NUCKS1: variants seen among roughly 807,000 people sequenced by gnomAD.
The protein encoded by NUCKS1 is nuclear casein kinase and cyclin dependent kinase substrate 1.
In NUCKS1, 2 loss-of-function variants were observed where a neutral mutation model predicts 33.0. That is an observed-to-expected ratio of 0.06 (90% CI 0.02 to 0.19). The LOEUF (loss-of-function observed/expected upper bound fraction) is 0.19. Among genes scored for constraint, NUCKS1 ranks in the 10% least tolerant of loss-of-function variants. NUCKS1 has a pLI of 1.00. For synonymous variants in NUCKS1, 106 were observed against 102.8 expected (o/e 1.03, Z -0.19); for missense variants, 201 against 293.6 (o/e 0.68, Z 2.31).
chr1:205,717,805 C>A lies in NUCKS1; in HGVS notation c.*475G>T, dbSNP rs374167912. 3.0e-6 allele frequency: 3 copies of A among 984,868 alleles called. No homozygotes were observed. Among genetic ancestry groups the A allele is most frequent in the Non-Finnish European group, 3.6e-6 (3 of 829,674 alleles). The allele number at this position is 984,868 out of a possible 1,614,324, so 61.0% of individuals were successfully genotyped here. On this transcript the variant is annotated 3_prime_UTR_variant, in exon 7 of 7. Coordinates refer to ENST00000367142, the MANE Select transcript of NUCKS1 (RefSeq NM_022731.5). ...AGATGACAATTGATTTTTTAAAAGT[C>A]CAGGTAGAGAAAGGAGCAATCATTT...
intron 2 of NUCKS1, 145 bp downstream of exon 2, chr1:205,729,427 G>C: frequency 1.4e-6 from 1 of 735,228 alleles, no homozygotes. Flanking sequence ...CTTTTGCTTT[G>C]GTTGACACAG....
chr1:205,749,935 A>T, intron 1 of NUCKS1, 22 bp downstream of exon 1: 1 of 1,526,708 alleles, frequency 6.6e-7, no homozygotes, highest in Non-Finnish European at 8.8e-7. Context: ...AACCCGCTCC[A>T]GGCCTCAGAC....
At chr1:205,745,549 T>C (rs1260060594) in intron 1 of NUCKS1, among the ~76,000 whole-genome samples, 1 of 152,246 alleles carries the variant, frequency 6.6e-6, no homozygotes, top group East Asian at 1.9e-4. Flanking sequence ...AACGCTAAGT[T>C]AAACATTTTG....
chr1:205,731,068 A>G (rs1034146731), intron 1 of NUCKS1, among the ~76,000 whole-genome samples: 4 of 152,256 alleles, frequency 2.6e-5, no homozygotes, highest in African/African-American at 9.6e-5. Context: ...TAAGCTTTAT[A>G]CAGAAGGGGA....
At chr1:205,737,016 A>G (rs1654050054) in intron 1 of NUCKS1, among the ~76,000 whole-genome samples, 1 of 152,034 alleles carries the variant, frequency 6.6e-6, no homozygotes, top group Non-Finnish European at 1.5e-5. Flanking sequence ...TCTGAAGCTA[A>G]ATACTAGGGC....
intron 1 of NUCKS1, among the ~76,000 whole-genome samples, chr1:205,748,312 G>A (rs753579661): frequency 1.3e-5 from 2 of 152,132 alleles, no homozygotes; most frequent in African/African-American, 4.8e-5. Context: ...AATTTAAAAG[G>A]TAGAGGAATT....
intron 1 of NUCKS1, among the ~76,000 whole-genome samples, chr1:205,735,256 A>G (rs1654007921): frequency 6.6e-6 from 1 of 152,244 alleles, no homozygotes; most frequent in East Asian, 1.9e-4. Flanking sequence ...GTTTAGATAT[A>G]TAAATACCTA....
At position 205,715,080 on chromosome 1, in the gene NUCKS1, G is replaced by A. The variant is rs1671800186; in HGVS notation, c.*3200C>T. The A allele has an allele frequency of 6.6e-6, 1 of 152,034 alleles. No homozygotes were observed. The highest frequency in any genetic ancestry group is 2.1e-4 in the South Asian group (1 of 4,824). 9.4% of individuals were successfully genotyped at this position (152,034 alleles called of 1,614,324 possible). On this transcript the variant is annotated 3_prime_UTR_variant, in exon 7 of 7. Transcript: ENST00000367142. ...AAATCCACTTATCTGAATGTTCACA[G>A]ATAAAAAAGCCATTAAAAAAAAGAG...
chr1:205,719,463 T>A, intron 6 of NUCKS1, 64 bp downstream of exon 6: 1 of 1,503,848 alleles, frequency 6.6e-7, no homozygotes, highest in East Asian at 2.3e-5. Context: ...AATTTCTGTA[T>A]TGAAAATAAT....
intron 1 of NUCKS1, 95 bp downstream of exon 1, chr1:205,749,862 G>A (rs75542165): frequency 5.9e-6 from 8 of 1,347,648 alleles, no homozygotes; most frequent in African/African-American, 2.9e-5. Flanking sequence ...GCGCGGCACC[G>A]GGGATGGCGG....
intron 4 of NUCKS1, among the ~76,000 whole-genome samples, chr1:205,721,018 C>CA (rs1211782985): frequency 6.7e-6 from 1 of 149,414 alleles, no homozygotes; most frequent in Non-Finnish European, 1.5e-5. Context: ...CACAAAAGAC[C>CA]AAACACTGCC....
chr1:205,724,148 G>A, intron 3 of NUCKS1, 167 bp from the exon 4 acceptor site: 1 of 658,844 alleles, frequency 1.5e-6, no homozygotes, highest in Non-Finnish European at 2.8e-6. Flanking sequence ...CAGGGATGCT[G>A]GTGAATAAGC....
At chr1:205,749,725 A>T (rs1272140383) in intron 1 of NUCKS1, among the ~76,000 whole-genome samples, 1 of 150,840 alleles carries the variant, frequency 6.6e-6, no homozygotes, top group Non-Finnish European at 1.5e-5. Flanking sequence ...AGCTGAGCAG[A>T]CCGGAGCCCT....
In NUCKS1 at chr1:205,713,105, T is replaced by C. The variant is rs1158446182; in HGVS notation, c.*5175A>G. ...ATTAGGGAAATAAGTTCCCACAAAG[T>C]CAGGCTGAACTGGGAGCTGATTAAC... On this transcript the variant is annotated 3_prime_UTR_variant, in exon 7 of 7. Coordinates refer to ENST00000367142, the MANE Select transcript of NUCKS1 (RefSeq NM_022731.5). The C allele has an allele frequency of 6.6e-6, 1 of 152,136 alleles. No individual in the cohort carries two copies. The highest frequency in any genetic ancestry group is 2.4e-5 in the African/African-American group (1 of 41,422). The allele number at this position is 152,136 out of a possible 1,614,324, so 9.4% of individuals were successfully genotyped here.
In NUCKS1 at chr1:205,720,614, C is replaced by G. The variant is rs781306992; in HGVS notation, c.269G>C (p.Arg90Pro). Residue 90 changes from arginine (R) to proline (P), a missense_variant, in exon 5 of 7, where the codon CGC becomes CCC. Coordinates refer to ENST00000367142, the MANE Select transcript of NUCKS1 (RefSeq NM_022731.5). Reference protein sequence around the residue: ...EDEKEDHKNVRQQRQAASKAA... With the variant: ...EDEKEDHKNVPQQRQAASKAA... ...TTTAGATGCCGCCTGCCGTTGTTGG[C>G]GCACATTTTTATGATCTTCTTTTTC... The G allele has an allele frequency of 6.2e-7, 1 of 1,613,958 alleles. No individual in the cohort carries two copies. Among genetic ancestry groups the G allele is most frequent in the Non-Finnish European group, 8.5e-7 (1 of 1,179,972 alleles).
At chr1:205,722,417 C>T (rs11240556) in intron 4 of NUCKS1, among the ~76,000 whole-genome samples, 2,351 of 152,288 alleles carry the variant, frequency 0.015, 61 homozygotes, top group African/African-American at 0.054. Flanking sequence ...CCACCACACC[C>T]GGCTAATTTT....
chr1:205,739,988 T>C (rs1185182530), intron 1 of NUCKS1, among the ~76,000 whole-genome samples: 1 of 142,460 alleles, frequency 7.0e-6, no homozygotes, highest in Non-Finnish European at 1.5e-5. Context: ...ATCCTGCTAT[T>C]TACTTTAGGT....
At chr1:205,731,928 A>T (rs1160927558) in intron 1 of NUCKS1, among the ~76,000 whole-genome samples, 1 of 151,970 alleles carries the variant, frequency 6.6e-6, no homozygotes, top group South Asian at 2.1e-4. Context: ...ATAAATATAC[A>T]TTACCACCTA....
rs1671795311 is a variant in NUCKS1, at chr1:205,714,749, G to GT, written c.*3530dup. 1 of 152,080 alleles carries GT rather than the reference G, an allele frequency of 6.6e-6. No homozygotes were observed. The highest frequency in any genetic ancestry group is 2.1e-4 in the South Asian group (1 of 4,812). 9.4% of individuals were successfully genotyped at this position (152,080 alleles called of 1,614,324 possible). Reference sequence around the variant, plus strand: ...TTCCCTATCCTATGGCAGGAAATGCGTATTACTTCTGTTCTGTTTAAGCAT... The same window carrying GT: ...TTCCCTATCCTATGGCAGGAAATGCGTTATTACTTCTGTTCTGTTTAAGCAT... On this transcript the variant is annotated 3_prime_UTR_variant, in exon 7 of 7. Transcript: ENST00000367142.
Sources: allele counts gnomAD v4.1 joint callset (sites outside exome capture counted in the v4.1 genomes callset), GRCh38; gene constraint gnomAD v4.1.1; transcripts MANE v1.5; gene names NCBI Gene and HGNC (gene_info 2026-07-23, HGNC 2026-07-21).